Variants in PCDHGA1 observed in about 807,000 individuals in gnomAD.
PCDHGA1 encodes the protein protocadherin gamma subfamily A, 1.
PCDHGA1 carries 32 observed loss-of-function variants against 58.0 expected under a neutral mutation model. The observed-to-expected ratio is 0.55, with a 90% CI of 0.42 to 0.74. The LOEUF (loss-of-function observed/expected upper bound fraction) is 0.74. PCDHGA1 is among the 30% of genes least tolerant of loss of function. PCDHGA1 has a pLI of 0.00. For synonymous variants in PCDHGA1, 498 were observed against 501.1 expected (o/e 0.99, Z 0.08); for missense variants, 1,205 against 1,182.3 (o/e 1.02, Z -0.28).
chr5:141,392,013 G>A (rs980520094), intron 1 of PCDHGA1: 1 of 152,108 alleles, frequency 6.6e-6, no homozygotes, highest in African/African-American at 2.4e-5. Context: ...AATGGTAAAA[G>A]CATTTATCCT....
chr5:141,442,534 GA>G (rs1156284172), intron 1 of PCDHGA1: 1 of 152,222 alleles, frequency 6.6e-6, no homozygotes, highest in Non-Finnish European at 1.5e-5. Context: ...TCTCCAAGGT[GA>G]AAAATTCTTG....
chr5:141,507,559 G>T (rs542787142), intron 3 of PCDHGA1, among the ~76,000 whole-genome samples: 1 of 152,368 alleles, frequency 6.6e-6, no homozygotes, highest in African/African-American at 2.4e-5. Flanking sequence ...GTGGCAGGCG[G>T]CTGGGTCTGA....
Position 141,331,714 on chromosome 5 carries a change from G to T in PCDHGA1, c.1030G>T (p.Ala344Ser), listed in dbSNP as rs1321037777. The change falls in exon 1 of 4, where the codon GCC (alanine) becomes TCC (serine). Residue 344 changes from alanine (A) to serine (S), a missense_variant. Coordinates refer to ENST00000517417, the MANE Select transcript of PCDHGA1 (RefSeq NM_018912.3). The part of the protein sequence containing the change: ...LIKVLDVNDN[A>S]PEVTITSVTT... Reference sequence around the variant, plus strand: ...CAAAGTTTTGGATGTAAATGATAATGCCCCAGAAGTGACCATCACCTCTGT... The same window carrying T: ...CAAAGTTTTGGATGTAAATGATAATTCCCCAGAAGTGACCATCACCTCTGT... The T allele has an allele frequency of 1.1e-5, 17 of 1,613,922 alleles. No individual in the cohort carries two copies. The highest frequency in any genetic ancestry group is 1.4e-5 in the Non-Finnish European group (16 of 1,180,016).
At chr5:141,460,981 G>GTATA (rs1491204135) in intron 1 of PCDHGA1, among the ~76,000 whole-genome samples, 10 of 121,884 alleles carry the variant, frequency 8.2e-5, no homozygotes, top group African/African-American at 3.1e-4. Context: ...GTGTGTGTGT[G>GTATA]TGTATATATA....
intron 1 of PCDHGA1, chr5:141,392,833 GC>G (rs922844407): frequency 1.2e-6 from 2 of 1,604,258 alleles, no homozygotes; most frequent in Non-Finnish European, 1.7e-6. Context: ...CCACAGAGTC[GC>G]CCCAGACGCG....
intron 1 of PCDHGA1, chr5:141,430,555 TC>T (rs1232264614): frequency 9.7e-6 from 4 of 411,788 alleles, no homozygotes; most frequent in Non-Finnish European, 1.3e-5. Flanking sequence ...TGTTCACCAA[TC>T]GGGGAGAGAA....
chr5:141,392,649 C>G, intron 1 of PCDHGA1: 1 of 703,200 alleles, frequency 1.4e-6, no homozygotes, highest in Non-Finnish European at 2.2e-6. Flanking sequence ...CACGAAGACC[C>G]GCAGATGCCA....
At chr5:141,510,831 A>T (rs2154594660) in intron 3 of PCDHGA1, 116 bp from the exon 4 acceptor site, 1 of 1,577,022 alleles carries the variant, frequency 6.3e-7, no homozygotes, top group East Asian at 2.2e-5. Context: ...CCCAGTGCTC[A>T]GCGTGGTCAA....
intron 1 of PCDHGA1, chr5:141,394,966 G>C (rs758463890): frequency 1.9e-6 from 3 of 1,613,768 alleles, no homozygotes; most frequent in Admixed American, 3.3e-5. Context: ...AGGCTGAGGC[G>C]CTGGCACAAG....
intron 1 of PCDHGA1, chr5:141,362,513 A>T: frequency 3.1e-6 from 5 of 1,613,982 alleles, no homozygotes; most frequent in Non-Finnish European, 4.2e-6. Context: ...AATACAAATC[A>T]TGGAGCCGCT....
At chr5:141,371,504 AAC>A (rs780003626) in intron 1 of PCDHGA1, 7 of 1,613,916 alleles carry the variant, frequency 4.3e-6, no homozygotes, top group Non-Finnish European at 5.9e-6. Context: ...CCCTGATCAA[AAC>A]ACATGATCTA....
At chr5:141,362,990 A>C (rs1365847301) in intron 1 of PCDHGA1, among the ~76,000 whole-genome samples, 1 of 152,256 alleles carries the variant, frequency 6.6e-6, no homozygotes, top group African/African-American at 2.4e-5. Flanking sequence ...GCATAATGGC[A>C]TGGCTTGTTA....
intron 1 of PCDHGA1, chr5:141,341,198 G>A (rs564640142): frequency 1.2e-6 from 2 of 1,614,104 alleles, no homozygotes; most frequent in Non-Finnish European, 1.7e-6. Context: ...CTTTGTGGGC[G>A]TGGACGGGGT....
At chr5:141,429,925 A>G (rs1009987955) in intron 1 of PCDHGA1, among the ~76,000 whole-genome samples, 5 of 152,244 alleles carry the variant, frequency 3.3e-5, no homozygotes, top group African/African-American at 1.2e-4. Flanking sequence ...TATTAATAGA[A>G]TTCTGGAGTA....
At chr5:141,365,327 G>T in intron 1 of PCDHGA1, 1 of 1,613,998 alleles carries the variant, frequency 6.2e-7, no homozygotes, top group East Asian at 2.2e-5. Flanking sequence ...CAGCGCTAAG[G>T]TGGTGGTCAC....
rs1168771567 is a variant in PCDHGA1 at position 141,398,057 on chromosome 5, A to T, written c.2421+64952A>T. On this transcript the variant is annotated intron_variant, in intron 1 of 3. Coordinates refer to ENST00000517417, the MANE Select transcript of PCDHGA1 (RefSeq NM_018912.3). ...CTAAAGCCCGTTCGGAGATCCAAAAATCTACAATACAGAGGTTATTTGTAA... is the reference window on the plus strand; with the variant it reads ...CTAAAGCCCGTTCGGAGATCCAAAATTCTACAATACAGAGGTTATTTGTAA... 9 of 1,524,504 alleles carry T rather than the reference A, an allele frequency of 5.9e-6. No individual in the cohort carries two copies. In the South Asian group the frequency reaches 1.1e-4, roughly 19 times the overall value. 94.4% of individuals were successfully genotyped at this position (1,524,504 alleles called of 1,614,324 possible). A position where few individuals can be genotyped will look rare whatever the true frequency, so the allele number is the denominator to read the frequency against.
In PCDHGA1 at chr5:141,433,032, C is replaced by T. The variant is rs751061646; in HGVS notation, c.2422-61775C>T. The T allele has an allele frequency of 2.5e-6, 4 of 1,614,188 alleles. No homozygotes were observed. Among genetic ancestry groups the T allele is most frequent in the African/African-American group, 2.7e-5 (2 of 75,058 alleles). On this transcript the variant is annotated intron_variant, in intron 1 of 3. Transcript: ENST00000517417. ...CTGCAGACCTATTCCCACGAGGTTTCCCTCACCACGGACTCGCGGAAGAGT... is the reference window on the plus strand; with the variant it reads ...CTGCAGACCTATTCCCACGAGGTTTTCCTCACCACGGACTCGCGGAAGAGT...
intron 1 of PCDHGA1, chr5:141,389,851 CCA>C (rs2091943018): frequency 6.2e-7 from 1 of 1,613,936 alleles, no homozygotes; most frequent in Non-Finnish European, 8.5e-7. Context: ...TCGGCCACTG[CCA>C]CGTTGCACCT....
intron 1 of PCDHGA1, chr5:141,410,447 C>T (rs760711107): frequency 3.1e-6 from 5 of 1,613,984 alleles, no homozygotes; most frequent in African/African-American, 2.7e-5. Context: ...GGGGACTTTG[C>T]CTTATTCTTA....
Sources: allele counts gnomAD v4.1 joint callset (sites outside exome capture counted in the v4.1 genomes callset), GRCh38; gene constraint gnomAD v4.1.1; transcripts MANE v1.5; gene names NCBI Gene and HGNC (gene_info 2026-07-23, HGNC 2026-07-21).